Variants in MRC2 observed in about 807,000 individuals in gnomAD.
MRC2 encodes C-type mannose receptor 2.
A neutral mutation model predicts 206.2 loss-of-function variants in MRC2; 84 were observed. The observed-to-expected ratio is 0.41, with a 90% CI of 0.34 to 0.49. The LOEUF (loss-of-function observed/expected upper bound fraction) is 0.49, where lower values mean the gene tolerates loss of function less well. Among genes scored for constraint, MRC2 ranks in the 20% least tolerant of loss-of-function variants. The probability of loss-of-function intolerance (pLI) is 0.31; values close to 1 mark genes in which losing one functional copy is unlikely to be tolerated. For synonymous variants in MRC2, 798 were observed against 800.0 expected, an observed-to-expected ratio of 1.00 and a Z score of 0.04; for missense variants, 1,676 against 2,001.5, an observed-to-expected ratio of 0.84 and a Z score of 3.10.
At chr17:62,648,520 C>T (rs1446905726) in intron 1 of MRC2, among the ~76,000 whole-genome samples, 1 of 152,166 alleles carries the variant, frequency 6.6e-6, no homozygotes, top group Non-Finnish European at 1.5e-5. Flanking sequence ...TCTGCAGAAC[C>T]GGAATGTGGC....
At chr17:62,678,451 C>A in intron 12 of MRC2, 53 bp from the exon 13 acceptor site, 3 of 1,588,122 alleles carry the variant, frequency 1.9e-6, no homozygotes, top group Non-Finnish European at 2.6e-6. Context: ...TAGGTGCCCC[C>A]TGAGGGGTGG....
chr17:62,689,352 G>A, intron 23 of MRC2, 170 bp from the exon 24 acceptor site: 1 of 595,140 alleles, frequency 1.7e-6, no homozygotes. Flanking sequence ...TAGCAAACAT[G>A]TATTATTAAT....
intron 1 of MRC2, among the ~76,000 whole-genome samples, chr17:62,661,145 G>A (rs373267573): frequency 6.6e-6 from 1 of 152,210 alleles, no homozygotes; most frequent in African/African-American, 2.4e-5. Flanking sequence ...GGAGGTCAAA[G>A]CGACTTGAGC....
intron 1 of MRC2, among the ~76,000 whole-genome samples, chr17:62,654,101 A>G (rs534699665): frequency 2.0e-5 from 3 of 151,844 alleles, no homozygotes; most frequent in African/African-American, 7.3e-5. Context: ...CGGCCCTTTC[A>G]GGCGGCCTCT....
chr17:62,680,819 C>T lies in MRC2; in HGVS notation c.2493C>T (p.Arg831=), dbSNP rs2088955778. 2.5e-6 allele frequency: 4 copies of T among 1,611,962 alleles called. No individual in the cohort carries two copies. Among genetic ancestry groups the T allele is most frequent in the South Asian group, 1.1e-5 (1 of 90,932 alleles). The change falls in exon 17 of 30, where the codon CGC becomes CGT. Residue 831 remains arginine, a synonymous_variant. Coordinates refer to ENST00000303375, the MANE Select transcript of MRC2 (RefSeq NM_006039.5). The surrounding 1 kb of genome is among the most constrained non-coding windows in gnomAD (Gnocchi z 4.8). ...DSPQGRREWL[R]FQEAEYKFFE... ...CTGCAGGCCGACGGGAATGGCTGCG[C>T]TTCCAGGAGGCCGAGTACAAGTTCT...
chr17:62,662,885 G>A (rs897897204), intron 1 of MRC2, among the ~76,000 whole-genome samples: 2 of 152,048 alleles, frequency 1.3e-5, no homozygotes, highest in South Asian at 2.1e-4. Flanking sequence ...CTCCAGCCTG[G>A]GCAACACGAG....
In MRC2 at chr17:62,689,547, A is replaced by G; in HGVS notation, c.3360A>G (p.Ala1120=). Residue 1120 remains alanine (A), a synonymous_variant, in exon 24 of 30, where the codon GCA becomes GCG. Coordinates refer to ENST00000303375, the MANE Select transcript of MRC2 (RefSeq NM_006039.5). ...ACCCCTCCCTGAGCCCGTCCCCAGC[A>G]GCGCTGCCCCCCGCCCCGGGCACTG... ...GTDPSLSPSP[A]ALPPAPGTEL... is the part of the protein sequence containing the mutation. 1 of 1,589,380 alleles carries G rather than the reference A, an allele frequency of 6.3e-7. No individual in the cohort carries two copies. Among genetic ancestry groups the G allele is most frequent in the Non-Finnish European group, 8.6e-7 (1 of 1,167,216 alleles).
intron 11 of MRC2, among the ~76,000 whole-genome samples, chr17:62,676,897 T>G (rs1458948248): frequency 6.6e-6 from 1 of 152,260 alleles, no homozygotes; most frequent in Admixed American, 6.5e-5. Context: ...AAATAATCTC[T>G]TCTCTATCTG....
Position 62,689,549 on chromosome 17 carries a change from C to A in MRC2, c.3362C>A (p.Ala1121Glu). The A allele has an allele frequency of 6.3e-7, 1 of 1,589,982 alleles. No individual in the cohort carries two copies. The highest frequency in any genetic ancestry group is 8.6e-7 in the Non-Finnish European group (1 of 1,167,686). The stretch of plus-strand genomic sequence containing the variant: ...CCCTCCCTGAGCCCGTCCCCAGCAG[C>A]GCTGCCCCCCGCCCCGGGCACTGAG... The part of the protein sequence containing the change: ...TDPSLSPSPA[A>E]LPPAPGTELS... The change falls in exon 24 of 30, where the codon GCG becomes GAG. Residue 1121 changes from alanine (A) to glutamate (E), a missense_variant. By Grantham distance (107) the Ala-to-Glu change is moderately radical (BLOSUM62 -1). Coordinates refer to ENST00000303375, the MANE Select transcript of MRC2 (RefSeq NM_006039.5).
At chr17:62,640,017 CTTTTTTTTTTTT>C (rs56703312) in intron 1 of MRC2, among the ~76,000 whole-genome samples, 1 of 74,350 alleles carries the variant, frequency 1.3e-5, no homozygotes, top group African/African-American at 5.5e-5. Context: ...CCATGCCCAG[CTTTTTTTTTTTT>C]TTTTTTTTTT....
chr17:62,655,896 C>T (rs986238356), intron 1 of MRC2, among the ~76,000 whole-genome samples: 6 of 152,184 alleles, frequency 3.9e-5, no homozygotes, highest in Non-Finnish European at 5.9e-5. Flanking sequence ...TCATTATAAA[C>T]GCATGAGGGC....
intron 1 of MRC2, among the ~76,000 whole-genome samples, chr17:62,629,136 G>A (rs561421340): frequency 3.7e-4 from 56 of 152,346 alleles, no homozygotes; most frequent in Non-Finnish European, 6.6e-4. Flanking sequence ...AAACCAGGCC[G>A]GGTAACCCCC....
chr17:62,682,482 G>A, intron 20 of MRC2, 105 bp downstream of exon 20: 1 of 1,355,852 alleles, frequency 7.4e-7, no homozygotes. Flanking sequence ...CAAACTCATG[G>A]CCTCTTGCCT....
At chr17:62,636,935 C>T (rs562435326) in intron 1 of MRC2, among the ~76,000 whole-genome samples, 3 of 152,282 alleles carry the variant, frequency 2.0e-5, no homozygotes, top group African/African-American at 7.2e-5. Context: ...ACTCTCTTCC[C>T]CCGGCCTTTG....
At chr17:62,628,037 G>A (rs934272985) in intron 1 of MRC2, 117 bp downstream of exon 1, 5 of 626,572 alleles carry the variant, frequency 8.0e-6, no homozygotes, top group African/African-American at 5.8e-5. Flanking sequence ...GCGTGTGTGC[G>A]TGTGTGTGTG....
intron 1 of MRC2, among the ~76,000 whole-genome samples, chr17:62,631,366 A>C (rs945058490): frequency 6.6e-6 from 1 of 152,034 alleles, no homozygotes; most frequent in African/African-American, 2.4e-5. Flanking sequence ...CTGGCGTGAA[A>C]ATGTTAAAGA....
rs752999154 is a variant in MRC2 at position 62,688,358 on chromosome 17, C to T, written c.3016C>T (p.Gln1006Ter). 3 of 1,614,090 alleles carry T rather than the reference C, an allele frequency of 1.9e-6. No homozygotes were observed. Among genetic ancestry groups the T allele is most frequent in the Non-Finnish European group, 1.7e-6 (2 of 1,180,042 alleles). ...KWSEAQFSCE[Q>*]QEAQLVTITN... ...GTCAGAGGCACAGTTCTCCTGTGAA[C>T]AGCAAGAGGCCCAGCTGGTCACCAT... Residue 1006 changes from glutamine to a stop codon, truncating the protein, a stop_gained, in exon 21 of 30, where the codon CAG (glutamine) becomes TAG (stop). Coordinates refer to ENST00000303375, the MANE Select transcript of MRC2 (RefSeq NM_006039.5). LOFTEE classifies it high-confidence loss of function.
rs758241670 is a variant in MRC2 at position 62,666,591 on chromosome 17, G to A, written c.831G>A (p.Thr277=). The A allele has an allele frequency of 7.5e-6, 12 of 1,601,146 alleles. No individual in the cohort carries two copies. Among genetic ancestry groups the A allele is most frequent in the Admixed American group, 5.1e-5 (3 of 58,898 alleles). ...AGGGTGCGGATCTGCTGAGCATCACGGAGATCCACGAGCAGACCTACATCA... is the reference window on the plus strand; with the variant it reads ...AGGGTGCGGATCTGCTGAGCATCACAGAGATCCACGAGCAGACCTACATCA... ...EQQGADLLSI[T]EIHEQTYING... Residue 277 remains threonine (T), a synonymous_variant, in exon 4 of 30, where the codon ACG becomes ACA. Transcript: ENST00000303375. The surrounding 1 kb of genome is among the most constrained non-coding windows in gnomAD (Gnocchi z 5.0).
At chr17:62,631,255 G>A (rs1024333437) in intron 1 of MRC2, among the ~76,000 whole-genome samples, 1 of 152,120 alleles carries the variant, frequency 6.6e-6, no homozygotes, top group African/African-American at 2.4e-5. Context: ...TGGCACCCAC[G>A]GCTGCGCTGT....
Sources: gnomAD v4.1 joint callset for allele counts (sites outside exome capture counted in the v4.1 genomes callset) on GRCh38, gnomAD v4.1.1 for gene constraint, Gnocchi (gnomAD v3.1) non-coding constraint, MANE v1.5 for transcripts, NCBI Gene and HGNC (gene_info 2026-07-23, HGNC 2026-07-21) for gene names.